Variants in PGAP6 observed in about 807,000 individuals in gnomAD.
PGAP6 encodes the protein post-GPI attachment to proteins factor 6.
A neutral mutation model predicts 68.4 loss-of-function variants in PGAP6; 62 were observed. The ratio of observed to expected loss-of-function variants is 0.91; its 90% CI spans 0.74 to 1.12. PGAP6 has a LOEUF of 1.12. Ranked by LOEUF, PGAP6 falls within the 50% of genes most tolerant of loss-of-function variation. The pLI is 0.00. For synonymous variants in PGAP6, 575 were observed against 474.0 expected (o/e 1.21, Z -2.77); for missense variants, 1,188 against 1,068.5 (o/e 1.11, Z -1.56).
rs1378861655 is a variant in PGAP6 at position 377,372 on chromosome 16, C to CT, written c.507+5_507+6insA. 4.5e-5 allele frequency: 72 copies of CT among 1,583,338 alleles called. No individual in the cohort carries two copies. The East Asian group carries it at 1.6e-3, about 36-fold the overall frequency. Reference sequence around the variant, plus strand: ...TGCCTCCATCCCGGAGGGCAGCCCCCCTCACCTTCAACTCGATCTTCTGGG... The same window carrying CT: ...TGCCTCCATCCCGGAGGGCAGCCCCCTCTCACCTTCAACTCGATCTTCTGGG... On this transcript the variant is annotated splice_donor_region_variant and intron_variant, in intron 3 of 12. Transcript: ENST00000431232.
At chr16:382,044 C>CGGG (rs541482913), upstream of PGAP6, 61 of 472,836 alleles carry the variant, frequency 1.3e-4, no homozygotes, top group African/African-American at 1.4e-3. Flanking sequence ...GGGGCGGGAC[C>CGGG]GGGGGGGGCG....
intron 1 of PGAP6, among the ~76,000 whole-genome samples, chr16:381,012 C>T (rs1010638739): frequency 1.3e-5 from 2 of 152,234 alleles, no homozygotes; most frequent in Admixed American, 6.5e-5. Flanking sequence ...GTCCCTACCC[C>T]GTGGAAGGGC....
upstream of PGAP6, chr16:382,573 G>A: frequency 3.5e-6 from 1 of 285,594 alleles, no homozygotes. Flanking sequence ...ACACGGGTGC[G>A]TGGCATCAAC....
At chr16:382,347 G>A (rs971131297), upstream of PGAP6, 1 of 386,812 alleles carries the variant, frequency 2.6e-6, no homozygotes, top group Non-Finnish European at 4.6e-6. Flanking sequence ...GGGGGGCAGA[G>A]GCGCCGACCT....
intron 2 of PGAP6, 43 bp from the exon 3 acceptor site, chr16:377,628 G>A (rs1412920357): frequency 6.4e-7 from 1 of 1,569,540 alleles, no homozygotes; most frequent in Non-Finnish European, 8.6e-7. Context: ...ACAGGGCTTG[G>A]CCAGGCGCGG....
upstream of PGAP6, chr16:382,029 G>A (rs1252878068): frequency 5.2e-5 from 42 of 806,182 alleles, no homozygotes; most frequent in Middle Eastern, 5.3e-4. Flanking sequence ...CGAGGGCGGG[G>A]TCGGGGGGCG....
intron 1 of PGAP6, among the ~76,000 whole-genome samples, chr16:378,236 CCACCCG>C (rs1186152187): frequency 9.4e-5 from 14 of 149,314 alleles, no homozygotes; most frequent in Non-Finnish European, 1.3e-4. Flanking sequence ...ACTGCCATCG[CCACCCG>C]CACTGCCATC....
In PGAP6 at chr16:374,681, C is replaced by A. The variant is rs941582610; in HGVS notation, c.1576+75G>T. On this transcript the variant is annotated intron_variant, in intron 9 of 12. Coordinates refer to ENST00000431232, the MANE Select transcript of PGAP6 (RefSeq NM_021259.3). ...TCTCCAGCCCCTTGCGGCGCTCCCCCAGGGGAAAGGCACAGCACAGCACTG... is the reference window on the plus strand; with the variant it reads ...TCTCCAGCCCCTTGCGGCGCTCCCCAAGGGGAAAGGCACAGCACAGCACTG... The A allele has an allele frequency of 1.9e-6, 3 of 1,579,874 alleles. No individual in the cohort carries two copies. In the African/African-American group the frequency reaches 4.0e-5, roughly 21 times the overall value.
intron 1 of PGAP6, among the ~76,000 whole-genome samples, chr16:378,816 G>C (rs2054415049): frequency 6.6e-6 from 1 of 152,254 alleles, no homozygotes; most frequent in African/African-American, 2.4e-5. Context: ...GGCCAGTCAT[G>C]AGAACAAGGG....
chr16:380,586 C>G (rs531394523), intron 1 of PGAP6, among the ~76,000 whole-genome samples: 2 of 152,248 alleles, frequency 1.3e-5, no homozygotes, highest in Non-Finnish European at 1.5e-5. Flanking sequence ...AGGCTGGTCT[C>G]GAACTCCTGA....
upstream of PGAP6, among the ~76,000 whole-genome samples, chr16:385,617 G>T (rs2054478012): frequency 8.6e-6 from 1 of 116,654 alleles, no homozygotes; most frequent in Admixed American, 9.0e-5. Flanking sequence ...GGCCTACTCT[G>T]ATTTTTTTTT....
At chr16:377,913 G>A (rs762091487) in intron 1 of PGAP6, 65 bp from the exon 2 acceptor site, 5 of 1,406,636 alleles carry the variant, frequency 3.6e-6, no homozygotes, top group Non-Finnish European at 2.9e-6. Context: ...TGGGGAGGAC[G>A]AGTCCCCCAG....
At chr16:381,536 C>G (rs1179649038) in intron 1 of PGAP6, among the ~76,000 whole-genome samples, 165 bp downstream of exon 1, 3 of 152,160 alleles carry the variant, frequency 2.0e-5, no homozygotes, top group Admixed American at 6.5e-5. Flanking sequence ...ACCCCTAGGA[C>G]ACGAAGCGCC....
chr16:376,480 C>A (rs540105809), intron 5 of PGAP6, 25 bp from the exon 6 acceptor site: 1 of 1,547,180 alleles, frequency 6.5e-7, no homozygotes, highest in Middle Eastern at 1.8e-4. Flanking sequence ...AGGGGTTTGG[C>A]TGGAGGAAAG....
Position 374,403 on chromosome 16 carries a change from C to T in PGAP6, c.1577-4G>A, listed in dbSNP as rs11641325. ...GTGCAGCTCCACCCACGCCAGCCTG[C>T]GGTCACAAAACCCCGACGCGGAGGC... On this transcript the variant is annotated splice_polypyrimidine_tract_variant and splice_region_variant and intron_variant, in intron 9 of 12. Coordinates refer to ENST00000431232, the MANE Select transcript of PGAP6 (RefSeq NM_021259.3). 0.19 allele frequency: 298,633 copies of T among 1,560,260 alleles called. 31,489 individuals are homozygous for T. The highest frequency in any genetic ancestry group is 0.21 in the Non-Finnish European group (247,588 of 1,157,142).
intron 1 of PGAP6, among the ~76,000 whole-genome samples, chr16:381,417 A>G (rs560625260): frequency 6.6e-6 from 1 of 150,716 alleles, no homozygotes; most frequent in Admixed American, 6.6e-5. Context: ...GGCGCGCCGG[A>G]CCTGGGCGCT....
upstream of PGAP6, among the ~76,000 whole-genome samples, chr16:382,957 G>A (rs1352997241): frequency 6.7e-6 from 1 of 148,698 alleles, no homozygotes; most frequent in African/African-American, 2.6e-5. Context: ...GGGATACGCT[G>A]ATCCTCCTCC....
chr16:383,200 A>AG (rs1491160073), upstream of PGAP6: 1 of 90,194 alleles, frequency 1.1e-5, no homozygotes, highest in Non-Finnish European at 2.2e-5. Context: ...TAAAAAGTTT[A>AG]AAAAAAAAAA....
chr16:384,801 A>T (rs1221265093), upstream of PGAP6, among the ~76,000 whole-genome samples: 5 of 150,508 alleles, frequency 3.3e-5, no homozygotes, highest in African/African-American at 1.2e-4. Flanking sequence ...GGTTGCAGTG[A>T]GCCAAGATTG....
Sources: allele counts gnomAD v4.1 joint callset (sites outside exome capture counted in the v4.1 genomes callset), GRCh38; gene constraint gnomAD v4.1.1; transcripts MANE v1.5; gene names NCBI Gene and HGNC (gene_info 2026-07-23, HGNC 2026-07-21).